The following PDE8A variants were observed in gnomAD, a reference collection of about 807,000 sequenced individuals.
PDE8A encodes the protein high affinity cAMP-specific and IBMX-insensitive 3',5'-cyclic phosphodiesterase 8A.
Under a neutral mutation model 105.0 loss-of-function variants are expected in PDE8A, and 59 were observed. The ratio of observed to expected loss-of-function variants is 0.56; its 90% CI spans 0.46 to 0.70. The LOEUF (loss-of-function observed/expected upper bound fraction) is 0.70. PDE8A is among the 30% of genes least tolerant of loss of function. PDE8A has a pLI of 0.00. For missense variants in PDE8A, 1,014 were observed against 1,045.9 expected, an observed-to-expected ratio of 0.97 and a Z score of 0.42; for synonymous variants, 355 against 371.9, an observed-to-expected ratio of 0.95 and a Z score of 0.52.
At chr15:85,110,145 C>T (rs1197887741) in intron 12 of PDE8A, among the ~76,000 whole-genome samples, 1 of 152,124 alleles carries the variant, frequency 6.6e-6, no homozygotes, top group Non-Finnish European at 1.5e-5. Flanking sequence ...TAGCTGCCAT[C>T]GTCATCTTCA....
At chr15:85,087,217 T>C (rs1423194856) in intron 6 of PDE8A, among the ~76,000 whole-genome samples, 2 of 152,110 alleles carry the variant, frequency 1.3e-5, no homozygotes, top group African/African-American at 2.4e-5. Flanking sequence ...TATTTACTTA[T>C]TTAGAGACAG....
At chr15:85,098,156 G>A (rs891613087) in intron 9 of PDE8A, 120 bp downstream of exon 9, 3 of 687,094 alleles carry the variant, frequency 4.4e-6, no homozygotes, top group South Asian at 1.6e-5. Flanking sequence ...TGTCATCACA[G>A]AATGGCCTTC....
At position 85,137,733 on chromosome 15, in the gene PDE8A, AGTGAAAGCCTAAAATGTAAACAGAGGCT is replaced by A. The variant is rs1190469349; in HGVS notation, c.2384-55_2384-28del. 61 of 1,039,190 alleles carry A rather than the reference AGTGAAAGCCTAAAATGTAAACAGAGGCT, an allele frequency of 5.9e-5. No individual in the cohort carries two copies. The Middle Eastern group carries it at 1.4e-3, about 24-fold the overall frequency. 64.4% of individuals were successfully genotyped at this position (1,039,190 alleles called of 1,614,324 possible). On this transcript the variant is annotated intron_variant, in intron 21 of 21. Coordinates refer to ENST00000394553, the MANE Select transcript of PDE8A (RefSeq NM_002605.3). ...ATCTGTCACTCTTTAAAATGCTCTT[AGTGAAAGCCTAAAATGTAAACAGAGGCT>A]GTGAAAGCATATCACATTCCTATCT...
chr15:85,059,195 C>G (rs568484651), intron 1 of PDE8A, among the ~76,000 whole-genome samples: 7 of 152,186 alleles, frequency 4.6e-5, no homozygotes, highest in African/African-American at 1.7e-4. Flanking sequence ...TCCAGTTTTA[C>G]TTTTGTTATT....
intron 1 of PDE8A, among the ~76,000 whole-genome samples, chr15:84,998,952 C>T (rs2080022278): frequency 6.6e-6 from 1 of 151,980 alleles, no homozygotes; most frequent in African/African-American, 2.4e-5. Context: ...TCAGTTCTTC[C>T]ATTAGACACT....
intron 1 of PDE8A, among the ~76,000 whole-genome samples, chr15:85,016,467 A>G (rs986224036): frequency 1.3e-5 from 2 of 152,184 alleles, no homozygotes; most frequent in Non-Finnish European, 2.9e-5. Flanking sequence ...GATAAATTCC[A>G]TTCATAATTG....
At position 85,113,375 on chromosome 15, in the gene PDE8A, A is replaced by C; in HGVS notation, c.1115-2A>C. The C allele has an allele frequency of 6.2e-7, 1 of 1,613,860 alleles. No homozygotes were observed. Among genetic ancestry groups the C allele is most frequent in the East Asian group, 2.2e-5 (1 of 44,888 alleles). On this transcript the variant is annotated splice_acceptor_variant, in intron 12 of 21. Coordinates refer to ENST00000394553, the MANE Select transcript of PDE8A (RefSeq NM_002605.3). LOFTEE classifies it high-confidence loss of function. Reference sequence around the variant, plus strand: ...CTGATTTGTGCATCCCTTTCTCCACAGTTTCCAGCCAGAGACGACACTCTT... The same window carrying C: ...CTGATTTGTGCATCCCTTTCTCCACCGTTTCCAGCCAGAGACGACACTCTT...
At chr15:85,039,206 G>A (rs894322289) in intron 1 of PDE8A, among the ~76,000 whole-genome samples, 2 of 151,888 alleles carry the variant, frequency 1.3e-5, no homozygotes, top group South Asian at 4.1e-4. Context: ...CGGGAGGATC[G>A]CTTGAGCTCA....
At chr15:84,983,793 C>G (rs1160204411) in intron 1 of PDE8A, among the ~76,000 whole-genome samples, 2 of 152,158 alleles carry the variant, frequency 1.3e-5, no homozygotes, top group Non-Finnish European at 2.9e-5. Flanking sequence ...CCAAAGTAGC[C>G]CTTTTATAGT....
At chr15:85,117,312 T>C (rs2082111394) in intron 16 of PDE8A, among the ~76,000 whole-genome samples, 1 of 152,184 alleles carries the variant, frequency 6.6e-6, no homozygotes, top group Non-Finnish European at 1.5e-5. Context: ...GAGAAAGGGT[T>C]ATTTTGAGGA....
rs570872420 is a variant in PDE8A, at chr15:84,982,406, A to G, written c.186+58A>G. The G allele has an allele frequency of 1.4e-4, 162 of 1,180,978 alleles. No individual in the cohort carries two copies. In the African/African-American group the frequency reaches 2.4e-3, roughly 17 times the overall value. The allele number at this position is 1,180,978 out of a possible 1,614,324, so 73.2% of individuals were successfully genotyped here. On this transcript the variant is annotated intron_variant, in intron 1 of 21. Transcript: ENST00000394553. The stretch of plus-strand genomic sequence containing the variant: ...GAAACTCGGGCCCGGCCAGTAAGCA[A>G]CTTTCCCGCAGGGGCCGGGCGGGGT...
rs537734891 is a variant in PDE8A, at chr15:84,989,619, A to T, written c.186+7271A>T. Among the ~76,000 whole-genome samples, 4 of 152,196 alleles carry T rather than the reference A, an allele frequency of 2.6e-5. No homozygotes were observed. In the South Asian group the frequency reaches 8.3e-4, roughly 32 times the overall value. ...GCTATGTGATACTTGGCAACTCCTGATCCTGAGTTTTCTCAAGTACAGAGT... is the reference window on the plus strand; with the variant it reads ...GCTATGTGATACTTGGCAACTCCTGTTCCTGAGTTTTCTCAAGTACAGAGT... On this transcript the variant is annotated intron_variant, in intron 1 of 21. Coordinates refer to ENST00000394553, the MANE Select transcript of PDE8A (RefSeq NM_002605.3).
intron 20 of PDE8A, among the ~76,000 whole-genome samples, chr15:85,136,257 G>T (rs1467586307): frequency 6.6e-6 from 1 of 152,328 alleles, no homozygotes; most frequent in East Asian, 1.9e-4. Flanking sequence ...TAATGTTTGG[G>T]ATCTTACCTG....
At chr15:85,121,717 T>C (rs2082185614) in intron 18 of PDE8A, among the ~76,000 whole-genome samples, 1 of 152,160 alleles carries the variant, frequency 6.6e-6, no homozygotes, top group South Asian at 2.1e-4. Flanking sequence ...CATAGTATAT[T>C]CAATTTTAGA....
Position 85,057,546 on chromosome 15 carries a change from C to T in PDE8A, c.187-6824C>T, listed in dbSNP as rs576693061. Among the ~76,000 whole-genome samples, 18 of 152,220 alleles carry T rather than the reference C, an allele frequency of 1.2e-4. 1 individual carries two copies. In the South Asian group the frequency reaches 1.9e-3, roughly 16 times the overall value. On this transcript the variant is annotated intron_variant, in intron 1 of 21. Coordinates refer to ENST00000394553, the MANE Select transcript of PDE8A (RefSeq NM_002605.3). ...TGCTCCATGGGCTGCACTTACTGTC[C>T]GACAAGCCCCAGTGAGATGAAGCCG...
At chr15:85,063,862 C>T (rs1208782588) in intron 1 of PDE8A, 1 of 153,660 alleles carries the variant, frequency 6.5e-6, no homozygotes, top group African/African-American at 2.4e-5. Context: ...TTATGCTCCT[C>T]TGTAAAATAG....
chr15:85,110,729 A>T (rs1234681630), intron 12 of PDE8A, among the ~76,000 whole-genome samples: 1 of 152,220 alleles, frequency 6.6e-6, no homozygotes, highest in Non-Finnish European at 1.5e-5. Flanking sequence ...TAAGAATGCC[A>T]TGAACATTTT....
upstream of PDE8A, among the ~76,000 whole-genome samples, chr15:84,981,411 A>G (rs1010537072): frequency 6.6e-6 from 1 of 152,108 alleles, no homozygotes; most frequent in Non-Finnish European, 1.5e-5. Context: ...CCGTACCGCC[A>G]GCAACTCCTG....
intron 1 of PDE8A, among the ~76,000 whole-genome samples, chr15:85,025,059 A>G (rs1165309551): frequency 6.6e-6 from 1 of 152,204 alleles, no homozygotes; most frequent in Admixed American, 6.5e-5. Context: ...TAAATCAGAT[A>G]AACCTTTTCT....
Sources: gnomAD v4.1 joint callset for allele counts (sites outside exome capture counted in the v4.1 genomes callset) on GRCh38, gnomAD v4.1.1 for gene constraint, MANE v1.5 for transcripts, NCBI Gene and HGNC (gene_info 2026-07-23, HGNC 2026-07-21) for gene names.